NRF1: variants seen among roughly 807,000 people sequenced by gnomAD.
NRF1 encodes the protein alpha palindromic-binding protein.
Under a neutral mutation model 58.5 loss-of-function variants are expected in NRF1, and 5 were observed. The observed-to-expected ratio is 0.09, with a 90% confidence interval of 0.04 to 0.18. The LOEUF (loss-of-function observed/expected upper bound fraction) is 0.18, where lower values mean the gene tolerates loss of function less well. NRF1 is among the 10% of genes least tolerant of loss of function. NRF1 has a pLI of 1.00. For missense variants in NRF1, 288 were observed against 657.7 expected, an observed-to-expected ratio of 0.44 and a Z score of 6.15; for synonymous variants, 224 against 246.7, an observed-to-expected ratio of 0.91 and a Z score of 0.86.
At chr7:129,686,483 G>A (rs1312891494) in intron 4 of NRF1, among the ~76,000 whole-genome samples, 3 of 152,194 alleles carry the variant, frequency 2.0e-5, no homozygotes, top group African/African-American at 7.2e-5. Context: ...ATAAAAATTT[G>A]TTTGATTTTT....
intron 4 of NRF1, among the ~76,000 whole-genome samples, chr7:129,683,687 T>G: frequency 7.2e-6 from 1 of 139,284 alleles, no homozygotes; most frequent in East Asian, 2.1e-4. Context: ...CAGGCTAGAG[T>G]GCAGTGGTGC....
chr7:129,704,654 A>G (rs1802909194), intron 5 of NRF1, among the ~76,000 whole-genome samples: 1 of 152,202 alleles, frequency 6.6e-6, no homozygotes, highest in African/African-American at 2.4e-5. Flanking sequence ...TAGGACCACA[A>G]TCTAAACACA....
intron 1 of NRF1, among the ~76,000 whole-genome samples, chr7:129,629,390 G>A (rs532855798): frequency 6.6e-6 from 1 of 151,060 alleles, no homozygotes; most frequent in African/African-American, 2.4e-5. Flanking sequence ...GCGATTCTCT[G>A]CCTCAGCCTC....
intron 2 of NRF1, among the ~76,000 whole-genome samples, chr7:129,665,800 A>ATGCCGTTT (rs1385370649): frequency 6.6e-6 from 1 of 152,188 alleles, no homozygotes; most frequent in Non-Finnish European, 1.5e-5. Flanking sequence ...TTTTGCAGAC[A>ATGCCGTTT]TGCCGTTTTG....
At chr7:129,751,734 G>A (rs1804121249) in intron 10 of NRF1, among the ~76,000 whole-genome samples, 1 of 152,258 alleles carries the variant, frequency 6.6e-6, no homozygotes, top group Non-Finnish European at 1.5e-5. Flanking sequence ...GCAGTGAAAT[G>A]AGGCTGACCT....
At chr7:129,634,041 A>AAAATAT (rs1163693215) in intron 1 of NRF1, among the ~76,000 whole-genome samples, 2 of 113,810 alleles carry the variant, frequency 1.8e-5, no homozygotes, top group African/African-American at 3.8e-5. Flanking sequence ...AAAAAAAAAA[A>AAAATAT]AGATATATAT....
chr7:129,736,672 A>G (rs1411150004), intron 10 of NRF1, among the ~76,000 whole-genome samples: 1 of 148,678 alleles, frequency 6.7e-6, no homozygotes, highest in Non-Finnish European at 1.5e-5. Flanking sequence ...CAGGGAGGGT[A>G]TTAGCTTTGA....
intron 10 of NRF1, among the ~76,000 whole-genome samples, chr7:129,742,354 A>G (rs1803868239): frequency 6.6e-6 from 1 of 151,988 alleles, no homozygotes; most frequent in African/African-American, 2.4e-5. Context: ...AGGGGTCTAA[A>G]TATGGAAACC....
At chr7:129,679,044 G>GA (rs1296086909) in intron 4 of NRF1, among the ~76,000 whole-genome samples, 12 of 151,252 alleles carry the variant, frequency 7.9e-5, no homozygotes, top group Admixed American at 3.3e-4. Context: ...GAGCACCGAA[G>GA]AAAAAAAACA....
intron 1 of NRF1, among the ~76,000 whole-genome samples, chr7:129,656,965 G>A (rs1473627017): frequency 6.6e-6 from 1 of 152,172 alleles, no homozygotes; most frequent in Non-Finnish European, 1.5e-5. Context: ...CAAAGAAAAT[G>A]TTAAGTATTT....
In NRF1 at chr7:129,718,600, G is replaced by A. The variant is rs551164070; in HGVS notation, c.1223+1224G>A. On this transcript the variant is annotated intron_variant, in intron 9 of 10. Transcript: ENST00000393232. ...AACACTTAGCAAACAGTATTACTTA[G>A]AGTGTAACTCACTATTGAATTGTAT... is the stretch of plus-strand genomic sequence containing the variant. Among the ~76,000 whole-genome samples the A allele has an allele frequency of 2.2e-4, 33 of 152,344 alleles. No homozygotes were observed. The South Asian group carries it at 6.8e-3, about 32-fold the overall frequency.
At position 129,673,942 on chromosome 7, in the gene NRF1, C is replaced by A. The variant is rs1324141727; in HGVS notation, c.338+2399C>A. ...ATCACCTGAGGTCGGGAGTTTGAGACCAGCTTGGCCACCATGGTGAAACCC... is the reference window on the plus strand; with the variant it reads ...ATCACCTGAGGTCGGGAGTTTGAGAACAGCTTGGCCACCATGGTGAAACCC... On this transcript the variant is annotated intron_variant, in intron 3 of 10. Coordinates refer to ENST00000393232, the MANE Select transcript of NRF1 (RefSeq NM_005011.5). 2.0e-5 allele frequency among the ~76,000 whole-genome samples: 3 copies of A among 151,922 alleles called. No homozygotes were observed. In the East Asian group the frequency reaches 5.8e-4, roughly 29 times the overall value.
chr7:129,669,346 A>G (rs1382715607), intron 2 of NRF1, among the ~76,000 whole-genome samples: 1 of 152,208 alleles, frequency 6.6e-6, no homozygotes, highest in Non-Finnish European at 1.5e-5. Flanking sequence ...CAAAAGAAAA[A>G]AATTATAAAA....
intron 10 of NRF1, among the ~76,000 whole-genome samples, chr7:129,730,630 G>A (rs924901714): frequency 5.3e-5 from 8 of 152,042 alleles, no homozygotes; most frequent in African/African-American, 9.7e-5. Flanking sequence ...TGGCGCGGGC[G>A]GGTGAGGTTA....
At chr7:129,745,394 A>C (rs1328037077) in intron 10 of NRF1, among the ~76,000 whole-genome samples, 1 of 152,004 alleles carries the variant, frequency 6.6e-6, no homozygotes, top group African/African-American at 2.4e-5. Flanking sequence ...TCACCGCCCG[A>C]GCTCCACCTA....
At chr7:129,701,283 T>C (rs1354448426) in intron 5 of NRF1, among the ~76,000 whole-genome samples, 1 of 151,970 alleles carries the variant, frequency 6.6e-6, no homozygotes, top group Non-Finnish European at 1.5e-5. Context: ...TTCCCCCATA[T>C]CAGATGAGCC....
In NRF1 at chr7:129,630,469, A is replaced by G. The variant is rs143042585; in HGVS notation, c.-7+18645A>G. 7.2e-3 allele frequency among the ~76,000 whole-genome samples: 1,098 copies of G among 152,258 alleles called. 5 individuals are homozygous for G. Among genetic ancestry groups the G allele is most frequent in the Non-Finnish European group, 0.01 (699 of 68,022 alleles). The stretch of plus-strand genomic sequence containing the variant: ...AAGCAAACATTCAATTTAAATTTCA[A>G]TAGTTCTCTGCTTGTGCTTGATCTA... On this transcript the variant is annotated intron_variant, in intron 1 of 10. Transcript: ENST00000393232.
At position 129,611,767 on chromosome 7, in the gene NRF1, G is replaced by A; in HGVS notation, c.-64G>A. On this transcript the variant is annotated 5_prime_UTR_variant, in exon 1 of 11. Coordinates refer to ENST00000393232, the MANE Select transcript of NRF1 (RefSeq NM_005011.5). Reference sequence around the variant, plus strand: ...GCCGCTGGTGGCAGGAGGCTGCGAGGAGCCGGCGCGGTCGCAGTCTCCACG... The same window carrying A: ...GCCGCTGGTGGCAGGAGGCTGCGAGAAGCCGGCGCGGTCGCAGTCTCCACG... 3.4e-6 allele frequency: 1 copy of A among 293,730 alleles called. No homozygotes were observed. The highest frequency in any genetic ancestry group is 6.3e-6 in the Non-Finnish European group (1 of 158,894). 18.2% of individuals were successfully genotyped at this position (293,730 alleles called of 1,614,324 possible).
rs146902566 is a variant in NRF1, at chr7:129,698,791, A to C, written c.606+8245A>C. ...TGATGCCAATGCTGCTGTTTCTCAG[A>C]CTATGCTTTGAATTCAAGGAATTGC... On this transcript the variant is annotated intron_variant, in intron 5 of 10. Coordinates refer to ENST00000393232, the MANE Select transcript of NRF1 (RefSeq NM_005011.5). Among the ~76,000 whole-genome samples the C allele has an allele frequency of 3.9e-4, 59 of 152,278 alleles. 1 individual carries two copies. The East Asian group carries it at 9.3e-3, about 24-fold the overall frequency.
Sources: allele counts gnomAD v4.1 joint callset (sites outside exome capture counted in the v4.1 genomes callset), GRCh38; gene constraint gnomAD v4.1.1; transcripts MANE v1.5; gene names NCBI Gene and HGNC (gene_info 2026-07-23, HGNC 2026-07-21).